ADGRG3: variants seen among roughly 807,000 people sequenced by gnomAD.
ADGRG3 encodes the protein G protein-coupled receptor 97.
A neutral mutation model predicts 54.3 loss-of-function variants in ADGRG3; 39 were observed. That is an observed-to-expected ratio of 0.72 (90% CI 0.56 to 0.94). The LOEUF is 0.94. Among genes scored for constraint, ADGRG3 ranks in the 40% least tolerant of loss-of-function variants. ADGRG3 has a pLI of 0.00. For synonymous variants in ADGRG3, 312 were observed against 290.0 expected (o/e 1.08, Z -0.77); for missense variants, 654 against 694.6 (o/e 0.94, Z 0.66).
At position 57,680,690 on chromosome 16, in the gene ADGRG3, A is replaced by G. The variant is rs2048352270; in HGVS notation, c.881+73A>G. Reference sequence around the variant, plus strand: ...GAGGCAGCAGGGCAGGGTGGGAAGCATTCAGGTTGTGCAGCCTCTGACCGT... The same window carrying G: ...GAGGCAGCAGGGCAGGGTGGGAAGCGTTCAGGTTGTGCAGCCTCTGACCGT... On this transcript the variant is annotated intron_variant, in intron 8 of 11. Coordinates refer to ENST00000333493, the MANE Select transcript of ADGRG3 (RefSeq NM_170776.5). 2.1e-5 allele frequency: 22 copies of G among 1,037,288 alleles called. No homozygotes were observed. The South Asian group carries it at 2.6e-4, about 12-fold the overall frequency. 64.3% of individuals were successfully genotyped at this position (1,037,288 alleles called of 1,614,324 possible).
chr16:57,669,181 A>T (rs10775337), intron 1 of ADGRG3, among the ~76,000 whole-genome samples: 1 of 152,202 alleles, frequency 6.6e-6, no homozygotes, highest in Non-Finnish European at 1.5e-5. Flanking sequence ...AGGGCCTTGC[A>T]GGCCACTCTC....
At chr16:57,678,724 A>T (rs981774093) in intron 4 of ADGRG3, 5 of 310,988 alleles carry the variant, frequency 1.6e-5, no homozygotes. Context: ...TATACCAGGT[A>T]TGTGCACCCA....
intron 11 of ADGRG3, among the ~76,000 whole-genome samples, chr16:57,687,250 CT>C (rs66743360): frequency 0.32 from 46,853 of 146,800 alleles, 7,376 homozygotes; most frequent in African/African-American, 0.37. Flanking sequence ...ATCTCACCAG[CT>C]TTTTTTTTTT....
chr16:57,684,988 C>T (rs1374369690), intron 10 of ADGRG3, among the ~76,000 whole-genome samples: 3 of 152,200 alleles, frequency 2.0e-5, no homozygotes, highest in Admixed American at 2.0e-4. Flanking sequence ...TCTCCCAGGG[C>T]CTCAGTCTCC....
chr16:57,684,691 G>A (rs557980979), intron 10 of ADGRG3, among the ~76,000 whole-genome samples: 73 of 152,184 alleles, frequency 4.8e-4, no homozygotes, highest in Non-Finnish European at 9.7e-4. Context: ...GAGAGAGGGG[G>A]CCTGAGAAAG....
intron 8 of ADGRG3, among the ~76,000 whole-genome samples, chr16:57,681,366 G>T (rs62039895): frequency 3.0e-5 from 3 of 100,276 alleles, no homozygotes; most frequent in Non-Finnish European, 6.1e-5. Context: ...GTGTGTGTGT[G>T]TGTGTGTGTG....
intron 2 of ADGRG3, among the ~76,000 whole-genome samples, chr16:57,675,348 G>A (rs2048243423): frequency 1.3e-5 from 2 of 152,078 alleles, no homozygotes; most frequent in Admixed American, 1.3e-4. Context: ...ATAGGGCCAG[G>A]TGCAGTGGGT....
At chr16:57,668,833 G>A (rs1043389349) in intron 1 of ADGRG3, among the ~76,000 whole-genome samples, 13 of 152,144 alleles carry the variant, frequency 8.5e-5, no homozygotes, top group Non-Finnish European at 1.5e-4. Context: ...CTGTCACCTC[G>A]TTCTTCTGGA....
At chr16:57,668,460 C>T (rs1483695821) in intron 1 of ADGRG3, 55 bp downstream of exon 1, 8 of 1,457,748 alleles carry the variant, frequency 5.5e-6, no homozygotes, top group South Asian at 2.4e-5. Context: ...CCTGCCCTGC[C>T]GAGGGAGGGA....
intron 8 of ADGRG3, among the ~76,000 whole-genome samples, chr16:57,683,029 A>C (rs2048403016): frequency 6.6e-6 from 1 of 152,228 alleles, no homozygotes. Flanking sequence ...GCTAAGGGGC[A>C]TTCAGAGATG....
intron 8 of ADGRG3, among the ~76,000 whole-genome samples, chr16:57,681,977 C>G (rs2048381088): frequency 6.6e-6 from 1 of 152,208 alleles, no homozygotes; most frequent in African/African-American, 2.4e-5. Flanking sequence ...TAACTTGGAC[C>G]ATGTGCCCAT....
intron 7 of ADGRG3, 25 bp downstream of exon 7, chr16:57,680,390 C>A: frequency 1.3e-6 from 2 of 1,596,316 alleles, no homozygotes; most frequent in Non-Finnish European, 1.7e-6. Flanking sequence ...CACTCTGATC[C>A]CAGCCATCCC....
chr16:57,668,221 G>C (rs2048086500), upstream of ADGRG3: 2 of 726,550 alleles, frequency 2.8e-6, no homozygotes, highest in Admixed American at 2.5e-5. Flanking sequence ...AGCAGGAAGG[G>C]TGAGAAAGAG....
chr16:57,684,970 G>T (rs746573614), intron 10 of ADGRG3, among the ~76,000 whole-genome samples: 2 of 152,176 alleles, frequency 1.3e-5, no homozygotes, highest in Non-Finnish European at 2.9e-5. Flanking sequence ...ATCTTGGCAG[G>T]CCCGATCTCT....
chr16:57,680,902 G>A (rs777610685), intron 8 of ADGRG3, among the ~76,000 whole-genome samples: 3 of 152,168 alleles, frequency 2.0e-5, no homozygotes, highest in Non-Finnish European at 4.4e-5. Flanking sequence ...AAAACCCAAG[G>A]TGCATGGACT....
At chr16:57,675,012 A>AAAAAAC (rs35561154) in intron 2 of ADGRG3, among the ~76,000 whole-genome samples, 9 of 115,340 alleles carry the variant, frequency 7.8e-5, no homozygotes, top group Non-Finnish European at 1.2e-4. Context: ...AAAAAAAAAA[A>AAAAAAC]AGCAGCAGCA....
intron 8 of ADGRG3, chr16:57,681,291 C>G (rs2048362496): frequency 6.5e-6 from 1 of 153,894 alleles, no homozygotes; most frequent in African/African-American, 2.4e-5. Context: ...AGAATACAGA[C>G]TTTGCTCAGT....
At chr16:57,678,506 C>G (rs1186877799) in intron 4 of ADGRG3, 190 bp downstream of exon 4, 1 of 599,588 alleles carries the variant, frequency 1.7e-6, no homozygotes, top group Non-Finnish European at 3.0e-6. Context: ...TTCAGACTCA[C>G]ACTGGTCACA....
rs754792124 is a variant in ADGRG3 at position 57,679,227 on chromosome 16, G to T, written c.543G>T (p.Leu181=). ...GCAGCGGCGTGTTGAACAATCGCCT[G>T]GTGGGTTTGAGTGTGGGACAAATGC... is the stretch of plus-strand genomic sequence containing the variant. ...GDGSGVLNNR[L]VGLSVGQMHV... Residue 181 remains leucine, a synonymous_variant, in exon 5 of 12, where the codon CTG becomes CTT. Transcript: ENST00000333493. 8 of 1,613,880 alleles carry T rather than the reference G, an allele frequency of 5.0e-6. No homozygotes were observed. The highest frequency in any genetic ancestry group is 6.8e-6 in the Non-Finnish European group (8 of 1,179,934).
Sources: gnomAD v4.1 joint callset for allele counts (sites outside exome capture counted in the v4.1 genomes callset) on GRCh38, gnomAD v4.1.1 for gene constraint, MANE v1.5 for transcripts, NCBI Gene and HGNC (gene_info 2026-07-23, HGNC 2026-07-21) for gene names.